The following SYT1 variants were observed in gnomAD, a reference collection of about 807,000 sequenced individuals.
The protein encoded by SYT1 is synaptotagmin-1.
A neutral mutation model predicts 44.8 loss-of-function variants in SYT1; 8 were observed. The observed-to-expected ratio is 0.18, with a 90% CI of 0.10 to 0.32. The LOEUF is 0.32. Ranked by LOEUF, SYT1 falls within the 10% of genes least tolerant of loss-of-function variation. The probability of loss-of-function intolerance (pLI) is 1.00; values close to 1 mark genes in which losing one functional copy is unlikely to be tolerated. For synonymous variants in SYT1, 154 were observed against 188.8 expected (o/e 0.82, Z 1.51); for missense variants, 286 against 509.3 (o/e 0.56, Z 4.22).
At chr12:79,198,741 A>G (rs1873607883) in intron 3 of SYT1, among the ~76,000 whole-genome samples, 1 of 152,178 alleles carries the variant, frequency 6.6e-6, no homozygotes, top group African/African-American at 2.4e-5. Flanking sequence ...AGGAAACAAG[A>G]TGTAAGTGTG....
intron 1 of SYT1, among the ~76,000 whole-genome samples, chr12:78,933,651 T>G (rs1341572749): frequency 6.6e-6 from 1 of 152,172 alleles, no homozygotes; most frequent in African/African-American, 2.4e-5. Flanking sequence ...ATATGTCAGG[T>G]GCACTCAACT....
intron 4 of SYT1, among the ~76,000 whole-genome samples, chr12:79,230,191 A>G (rs1875787710): frequency 6.6e-6 from 1 of 152,202 alleles, no homozygotes; most frequent in Admixed American, 6.5e-5. Flanking sequence ...CATGGCTCTC[A>G]TATATGAATA....
intron 8 of SYT1, among the ~76,000 whole-genome samples, chr12:79,310,532 T>C (rs1880723740): frequency 6.6e-6 from 1 of 151,980 alleles, no homozygotes; most frequent in Non-Finnish European, 1.5e-5. Flanking sequence ...TTTAAAGTAG[T>C]TTTTTCCAAT....
chr12:78,875,562 T>C (rs2137042574), intron 1 of SYT1, among the ~76,000 whole-genome samples: 1 of 151,722 alleles, frequency 6.6e-6, no homozygotes, highest in African/African-American at 2.4e-5. Flanking sequence ...GTTTGGTCTA[T>C]TTAGGTATAA....
chr12:79,028,569 A>G (rs78734609), intron 2 of SYT1, among the ~76,000 whole-genome samples: 11,178 of 151,308 alleles, frequency 0.074, 516 homozygotes, highest in East Asian at 0.15. Flanking sequence ...GGCACTCAAT[A>G]CATCTTTGTT....
At chr12:79,268,152 A>C (rs1003135737) in intron 4 of SYT1, among the ~76,000 whole-genome samples, 7 of 152,198 alleles carry the variant, frequency 4.6e-5, no homozygotes, top group African/African-American at 1.7e-4. Flanking sequence ...GTAAAAATTT[A>C]TCGAAGCATA....
intron 4 of SYT1, among the ~76,000 whole-genome samples, chr12:79,218,134 A>AT (rs1406737545): frequency 6.6e-6 from 1 of 151,966 alleles, no homozygotes; most frequent in Non-Finnish European, 1.5e-5. Context: ...TCTTATTGTT[A>AT]TTTTTTAAAG....
At chr12:79,190,106 G>A (rs1312117608) in intron 3 of SYT1, among the ~76,000 whole-genome samples, 2 of 152,084 alleles carry the variant, frequency 1.3e-5, no homozygotes, top group Non-Finnish European at 2.9e-5. Flanking sequence ...ACTACATCCT[G>A]AAGAAAATCA....
chr12:79,115,506 T>G (rs912711524), intron 3 of SYT1, among the ~76,000 whole-genome samples: 2 of 152,174 alleles, frequency 1.3e-5, no homozygotes, highest in Non-Finnish European at 2.9e-5. Flanking sequence ...AACCTTTCAT[T>G]TATTTGCCAC....
chr12:79,367,517 T>A (rs1181670334), intron 9 of SYT1, among the ~76,000 whole-genome samples: 1 of 152,162 alleles, frequency 6.6e-6, no homozygotes, highest in Non-Finnish European at 1.5e-5. Flanking sequence ...CTACAAATTC[T>A]TAATCTCCAC....
chr12:78,938,110 C>A (rs924514692), intron 1 of SYT1, among the ~76,000 whole-genome samples: 10 of 152,152 alleles, frequency 6.6e-5, no homozygotes, highest in Admixed American at 5.9e-4. Flanking sequence ...TTTATCTTTG[C>A]ATTTCTCTTT....
intron 9 of SYT1, chr12:79,392,734 T>C (rs1479783095): frequency 6.6e-6 from 1 of 151,410 alleles, no homozygotes; most frequent in Admixed American, 6.6e-5. Context: ...ATTGTAACCA[T>C]GTCTGAAGAG....
chr12:79,063,249 A>G (rs1875520629), intron 3 of SYT1, among the ~76,000 whole-genome samples: 1 of 152,168 alleles, frequency 6.6e-6, no homozygotes, highest in Admixed American at 6.6e-5. Context: ...CTTCTTTTCT[A>G]CCATTACTAG....
chr12:79,014,774 C>T (rs889253847), intron 2 of SYT1, among the ~76,000 whole-genome samples: 31 of 151,980 alleles, frequency 2.0e-4, no homozygotes, highest in Middle Eastern at 3.4e-3. Flanking sequence ...ATGTTTATTG[C>T]GGCACTATTC....
chr12:78,948,021 G>A (rs910122729), intron 1 of SYT1, among the ~76,000 whole-genome samples: 1 of 151,790 alleles, frequency 6.6e-6, no homozygotes, highest in South Asian at 2.1e-4. Flanking sequence ...TATTGCATAA[G>A]AAAGGTGATG....
At chr12:79,391,468 GA>G in intron 9 of SYT1, among the ~76,000 whole-genome samples, 1 of 152,238 alleles carries the variant, frequency 6.6e-6, no homozygotes, top group South Asian at 2.1e-4. Context: ...TATTGCTTAA[GA>G]TTTTTGAAAA....
chr12:79,336,084 A>G (rs3849228), intron 8 of SYT1, among the ~76,000 whole-genome samples: 26,049 of 152,120 alleles, frequency 0.17, 3,355 homozygotes, highest in African/African-American at 0.37. Context: ...ACCAGTGCCT[A>G]CTGCTTTTTC....
chr12:79,276,398 T>TG (rs1878722943), intron 4 of SYT1, among the ~76,000 whole-genome samples: 1 of 151,300 alleles, frequency 6.6e-6, no homozygotes, highest in Admixed American at 6.6e-5. Flanking sequence ...ACAGAATTAG[T>TG]GGGGCGCAAT....
intron 1 of SYT1, among the ~76,000 whole-genome samples, chr12:78,963,182 T>C (rs1405096297): frequency 2.0e-5 from 3 of 152,082 alleles, no homozygotes; most frequent in African/African-American, 7.2e-5. Context: ...CATATATATA[T>C]ATATGACATT....
Sources: gnomAD v4.1 joint callset for allele counts (sites outside exome capture counted in the v4.1 genomes callset) on GRCh38, gnomAD v4.1.1 for gene constraint, MANE v1.5 for transcripts, NCBI Gene and HGNC (gene_info 2026-07-23, HGNC 2026-07-21) for gene names.